MCM10: variants seen among roughly 807,000 people sequenced by gnomAD.
MCM10 encodes minichromosome maintenance 10 replication initiation factor, also known as protein MCM10 homolog.
Under a neutral mutation model 109.9 loss-of-function variants are expected in MCM10, and 91 were observed. The ratio of observed to expected loss-of-function variants is 0.83; its 90% CI spans 0.70 to 0.99. The LOEUF (loss-of-function observed/expected upper bound fraction) is 0.99, where lower values mean the gene tolerates loss of function less well. Ranked by LOEUF, MCM10 falls within the 50% of genes least tolerant of loss-of-function variation. The pLI, the probability that MCM10 is intolerant of heterozygous loss-of-function variation, is 0.00. For missense variants in MCM10, 1,077 were observed against 1,061.2 expected, an observed-to-expected ratio of 1.01 and a Z score of -0.21; for synonymous variants, 380 against 387.2, an observed-to-expected ratio of 0.98 and a Z score of 0.22.
rs762758196 is a variant in MCM10 at position 13,201,466 on chromosome 10, A to G, written c.2284A>G (p.Lys762Glu). The G allele has an allele frequency of 5.6e-6, 9 of 1,613,334 alleles. No individual in the cohort carries two copies. The highest frequency in any genetic ancestry group is 3.3e-4 in the Middle Eastern group (2 of 6,082). The change falls in exon 17 of 20, where the codon AAA becomes GAA. Residue 762 changes from lysine to glutamate, a missense_variant. Transcript: ENST00000378714. The stretch of plus-strand genomic sequence containing the variant: ...GCGCTACTTTGAGCCACTGGTGAAA[A>G]AAGAACAAATGGAAGAAAAGATGAG... ...QERYFEPLVK[K>E]EQMEEKMRNI...
chr10:13,205,979 C>T (rs1335410888), intron 18 of MCM10, among the ~76,000 whole-genome samples: 1 of 152,170 alleles, frequency 6.6e-6, no homozygotes, highest in Non-Finnish European at 1.5e-5. Flanking sequence ...CAGCATGTTG[C>T]CGTCGCAGGT....
At position 13,192,381 on chromosome 10, in the gene MCM10, T is replaced by C. The variant is rs1291454720; in HGVS notation, c.1627+16T>C. On this transcript the variant is annotated intron_variant, in intron 12 of 19. Coordinates refer to ENST00000378714, the MANE Select transcript of MCM10 (RefSeq NM_018518.5). ...ACAGCTTCAGGTACCATCAGCTGCA[T>C]GGCCACACGTGTGTCCCTGTGTTCC... 6.2e-7 allele frequency: 1 copy of C among 1,612,962 alleles called. No individual in the cohort carries two copies. The highest frequency in any genetic ancestry group is 8.5e-7 in the Non-Finnish European group (1 of 1,178,920).
At chr10:13,197,978 T>A (rs1408861959) in intron 15 of MCM10, among the ~76,000 whole-genome samples, 50 of 151,504 alleles carry the variant, frequency 3.3e-4, no homozygotes, top group Admixed American at 3.0e-3. Flanking sequence ...AGTGGCGCAG[T>A]CTTGGCTCGC....
At chr10:13,171,790 A>AT (rs1046841279) in intron 3 of MCM10, among the ~76,000 whole-genome samples, 1 of 150,804 alleles carries the variant, frequency 6.6e-6, no homozygotes, top group African/African-American at 2.4e-5. Context: ...TCCGAGACAG[A>AT]TTCTTGCTGT....
chr10:13,201,809 C>G, intron 17 of MCM10: 1 of 374,654 alleles, frequency 2.7e-6, no homozygotes, highest in Non-Finnish European at 4.9e-6. Flanking sequence ...CCCTGGACCA[C>G]TGGGTCCGCG....
At chr10:13,185,743 T>G (rs1343518983) in intron 8 of MCM10, among the ~76,000 whole-genome samples, 1 of 152,186 alleles carries the variant, frequency 6.6e-6, no homozygotes, top group African/African-American at 2.4e-5. Flanking sequence ...AGCCCTGGCT[T>G]CAAATTCCTT....
chr10:13,169,651 G>A (rs1834044498), intron 2 of MCM10, among the ~76,000 whole-genome samples: 1 of 152,204 alleles, frequency 6.6e-6, no homozygotes, highest in South Asian at 2.1e-4. Flanking sequence ...GTGTGATACA[G>A]TCTTATTATA....
At chr10:13,189,736 A>G (rs1834322882) in intron 10 of MCM10, among the ~76,000 whole-genome samples, 1 of 152,222 alleles carries the variant, frequency 6.6e-6, no homozygotes, top group Non-Finnish European at 1.5e-5. Flanking sequence ...GAGTGAGGCT[A>G]CAGACCTCAT....
chr10:13,186,320 A>G, intron 9 of MCM10, 40 bp downstream of exon 9: 5 of 1,361,050 alleles, frequency 3.7e-6, no homozygotes, highest in Non-Finnish European at 5.2e-6. Flanking sequence ...TGCTAAAGAA[A>G]AGAACAGTTA....
chr10:13,166,655 T>A (rs1262444835), intron 2 of MCM10, among the ~76,000 whole-genome samples: 3 of 93,646 alleles, frequency 3.2e-5, no homozygotes, highest in African/African-American at 4.6e-5. Flanking sequence ...AAAAAATACA[T>A]ACATACATAT....
At chr10:13,197,481 A>G in intron 14 of MCM10, 142 bp from the exon 15 acceptor site, 1 of 641,996 alleles carries the variant, frequency 1.6e-6, no homozygotes. Context: ...TAATAATACT[A>G]AGTAAAATTA....
At position 13,210,392 on chromosome 10, in the gene MCM10, T is replaced by G. The variant is rs1460936716; in HGVS notation, c.*1082T>G. On this transcript the variant is annotated 3_prime_UTR_variant, in exon 20 of 20. Transcript: ENST00000378714. The stretch of plus-strand genomic sequence containing the variant: ...GTTTCATTCAGGAGATTCTTCCATC[T>G]GGGCAACCTGGTTTTCCAAATATCA... The G allele has an allele frequency of 6.6e-6, 1 of 152,176 alleles. No individual in the cohort carries two copies. The highest frequency in any genetic ancestry group is 2.4e-5 in the African/African-American group (1 of 41,448). 9.4% of individuals were successfully genotyped at this position (152,176 alleles called of 1,614,324 possible).
At chr10:13,175,273 A>C (rs1820842607) in intron 5 of MCM10, among the ~76,000 whole-genome samples, 1 of 152,148 alleles carries the variant, frequency 6.6e-6, no homozygotes, top group African/African-American at 2.4e-5. Flanking sequence ...TCTCTACAAA[A>C]AATACAAAAA....
chr10:13,170,809 T>C (rs1206473298), intron 2 of MCM10, 113 bp from the exon 3 acceptor site: 2 of 790,862 alleles, frequency 2.5e-6, no homozygotes, highest in Non-Finnish European at 4.0e-6. Flanking sequence ...GTAATGAGCA[T>C]TGTACCCATT....
Position 13,172,878 on chromosome 10 carries a change from G to GAGAA in MCM10, c.592+120_592+123dup, listed in dbSNP as rs34236117. 0.51 allele frequency: 410,219 copies of GAGAA among 805,904 alleles called. 112,658 individuals are homozygous for GAGAA. Among genetic ancestry groups the GAGAA allele is most frequent in the Non-Finnish European group, 0.52 (276,501 of 529,248 alleles). The allele number at this position is 805,904 out of a possible 1,614,324, so 49.9% of individuals were successfully genotyped here. On this transcript the variant is annotated intron_variant, in intron 5 of 19. Coordinates refer to ENST00000378714, the MANE Select transcript of MCM10 (RefSeq NM_018518.5). The surrounding 1 kb of genome is among the most constrained non-coding windows in gnomAD (Gnocchi z 5.2). ...TTTTGGTCTGTCTTATGTCCCCATT[G>GAGAA]AGAAAGAAAGTTTCTTGGGAATGGA...
chr10:13,186,132 G>T, intron 8 of MCM10, 32 bp from the exon 9 acceptor site: 1 of 1,271,832 alleles, frequency 7.9e-7, no homozygotes, highest in Non-Finnish European at 1.1e-6. Flanking sequence ...AATTTTGTCC[G>T]CCTTTAACTC....
In MCM10 at chr10:13,182,296, A is replaced by G. The variant is rs1056058410; in HGVS notation, c.931-637A>G. On this transcript the variant is annotated intron_variant, in intron 7 of 19. Coordinates refer to ENST00000378714, the MANE Select transcript of MCM10 (RefSeq NM_018518.5). This position sits in a 1 kb window ranked among gnomAD's most constrained non-coding sequence, Gnocchi z 4.2. ...CATGACCAGTCTGGGCAACATAGTG[A>G]GACCTCATCTCTATGAAAAGAAAAA... Among the ~76,000 whole-genome samples, 65 of 152,144 alleles carry G rather than the reference A, an allele frequency of 4.3e-4. 1 individual carries two copies. Among genetic ancestry groups the G allele is most frequent in the African/African-American group, 1.5e-3 (62 of 41,496 alleles).
In MCM10 at chr10:13,164,178, C is replaced by T. The variant is rs1304920108; in HGVS notation, c.-25C>T. On this transcript the variant is annotated 5_prime_UTR_variant, in exon 2 of 20. Coordinates refer to ENST00000378714, the MANE Select transcript of MCM10 (RefSeq NM_018518.5). The stretch of plus-strand genomic sequence containing the variant: ...GCATCTGAGCCTCCTTCGAAGTTTC[C>T]TGTCACAACTGTCCTCTTGACAGCA... 1 of 1,577,934 alleles carries T rather than the reference C, an allele frequency of 6.3e-7. No homozygotes were observed. The highest frequency in any genetic ancestry group is 8.6e-7 in the Non-Finnish European group (1 of 1,168,776).
chr10:13,172,310 G>C lies in MCM10; in HGVS notation c.350-66G>C. 1 of 1,217,646 alleles carries C rather than the reference G, an allele frequency of 8.2e-7. No homozygotes were observed. Among genetic ancestry groups the C allele is most frequent in the South Asian group, 1.3e-5 (1 of 79,086 alleles). 75.4% of individuals were successfully genotyped at this position (1,217,646 alleles called of 1,614,324 possible). ...GGAGTGGACAACAAAAATATTGCCC[G>C]CATTTTTGTCATGTAGAACGTTTTC... On this transcript the variant is annotated intron_variant, in intron 3 of 19. Transcript: ENST00000378714. The surrounding 1 kb of genome is among the most constrained non-coding windows in gnomAD (Gnocchi z 5.2).
Sources: allele counts gnomAD v4.1 joint callset (sites outside exome capture counted in the v4.1 genomes callset), GRCh38; gene constraint gnomAD v4.1.1; non-coding constraint Gnocchi (gnomAD v3.1); transcripts MANE v1.5; gene names NCBI Gene and HGNC (gene_info 2026-07-23, HGNC 2026-07-21).